Variants in ROBO2 observed in about 807,000 individuals in gnomAD.
The protein encoded by ROBO2 is roundabout homolog 2.
ROBO2 carries 53 observed loss-of-function variants against 160.8 expected under a neutral mutation model. That is an observed-to-expected ratio of 0.33 (90% CI 0.26 to 0.41). The LOEUF (loss-of-function observed/expected upper bound fraction) is 0.41. Ranked by LOEUF, ROBO2 falls within the 10% of genes least tolerant of loss-of-function variation. ROBO2 has a pLI of 1.00. For synonymous variants in ROBO2, 664 were observed against 611.7 expected (o/e 1.09, Z -1.26); for missense variants, 1,577 against 1,722.4 (o/e 0.92, Z 1.49).
intron 2 of ROBO2, among the ~76,000 whole-genome samples, chr3:76,259,806 A>G (rs1424784243): frequency 6.6e-6 from 1 of 152,086 alleles, no homozygotes; most frequent in East Asian, 1.9e-4. Flanking sequence ...TTGGTCAACA[A>G]GAAAGACCCG....
chr3:76,224,260 A>G (rs1214404289), intron 2 of ROBO2, among the ~76,000 whole-genome samples: 1 of 152,202 alleles, frequency 6.6e-6, no homozygotes, highest in Non-Finnish European at 1.5e-5. Flanking sequence ...ACCAGGAAAG[A>G]CAGTTGTGTA....
chr3:77,498,217 A>C (rs28650936), intron 5 of ROBO2, among the ~76,000 whole-genome samples: 2,701 of 152,292 alleles, frequency 0.018, 75 homozygotes, highest in African/African-American at 0.059. Context: ...AACTAACTCT[A>C]AAGTGACACT....
intron 2 of ROBO2, among the ~76,000 whole-genome samples, chr3:77,120,063 A>G (rs889073494): frequency 2.0e-5 from 3 of 152,214 alleles, no homozygotes; most frequent in African/African-American, 7.2e-5. Context: ...TTCTCTTACA[A>G]TACTGGATTA....
chr3:76,800,505 A>C (rs897936415), intron 2 of ROBO2, among the ~76,000 whole-genome samples: 2 of 152,208 alleles, frequency 1.3e-5, no homozygotes, highest in African/African-American at 4.8e-5. Context: ...ATATATAAGG[A>C]GCTCAAAAAG....
chr3:76,383,737 CA>C (rs1264490311), intron 2 of ROBO2, among the ~76,000 whole-genome samples: 1 of 151,496 alleles, frequency 6.6e-6, no homozygotes, highest in Non-Finnish European at 1.5e-5. Context: ...AAACAAAAAA[CA>C]AAAAACAAAG....
chr3:76,508,825 T>C (rs768661115), intron 2 of ROBO2, among the ~76,000 whole-genome samples: 145 of 152,316 alleles, frequency 9.5e-4, no homozygotes, highest in Non-Finnish European at 1.8e-3. Flanking sequence ...TTATATGAAC[T>C]CTCAGTGAAT....
intron 2 of ROBO2, among the ~76,000 whole-genome samples, chr3:76,678,329 AT>A (rs1224707300): frequency 3.9e-5 from 6 of 152,232 alleles, no homozygotes; most frequent in African/African-American, 1.4e-4. Context: ...GTCTATATAA[AT>A]GGCAGATAGC....
chr3:77,414,414 G>A (rs987955102), intron 2 of ROBO2, among the ~76,000 whole-genome samples: 2 of 152,172 alleles, frequency 1.3e-5, no homozygotes, highest in Non-Finnish European at 2.9e-5. Context: ...CGGGGAAGAA[G>A]GAAAATGAGG....
At chr3:77,058,348 A>T (rs1204826824) in intron 1 of ROBO2, among the ~76,000 whole-genome samples, 1 of 152,156 alleles carries the variant, frequency 6.6e-6, no homozygotes, top group Non-Finnish European at 1.5e-5. Context: ...ATAGCCTGCT[A>T]TTGTAATTTT....
intron 2 of ROBO2, among the ~76,000 whole-genome samples, chr3:76,023,815 G>T (rs529615183): frequency 6.6e-6 from 1 of 151,426 alleles, no homozygotes; most frequent in Admixed American, 6.6e-5. Flanking sequence ...AGGCAGGCTG[G>T]CCACAAACCT....
intron 2 of ROBO2, among the ~76,000 whole-genome samples, chr3:76,270,875 G>A (rs1271268876): frequency 5.9e-5 from 9 of 152,040 alleles, no homozygotes; most frequent in Non-Finnish European, 1.0e-4. Flanking sequence ...TGGACAAGCC[G>A]ATTTCTTTAT....
intron 2 of ROBO2, chr3:76,434,661 C>A: frequency 8.3e-7 from 1 of 1,206,988 alleles, no homozygotes; most frequent in Non-Finnish European, 1.2e-6. Context: ...ACTCTGCCAT[C>A]TGGACCCTCT....
At chr3:76,925,405 T>G (rs1417874012) in intron 2 of ROBO2, among the ~76,000 whole-genome samples, 1 of 152,134 alleles carries the variant, frequency 6.6e-6, no homozygotes, top group South Asian at 2.1e-4. Flanking sequence ...TTTCCAAAAT[T>G]TACATTTGAA....
At chr3:77,166,375 A>C (rs1271098261) in intron 2 of ROBO2, among the ~76,000 whole-genome samples, 1 of 152,246 alleles carries the variant, frequency 6.6e-6, no homozygotes, top group Non-Finnish European at 1.5e-5. Flanking sequence ...TAAAAATTCC[A>C]TAACCAGATA....
chr3:76,448,041 T>C (rs2077286946), intron 2 of ROBO2, among the ~76,000 whole-genome samples: 2 of 150,206 alleles, frequency 1.3e-5, no homozygotes, highest in African/African-American at 4.9e-5. Context: ...TTAAAGTATA[T>C]ATATAAAAAA....
At chr3:76,358,747 A>G (rs2075323914) in intron 2 of ROBO2, among the ~76,000 whole-genome samples, 1 of 151,950 alleles carries the variant, frequency 6.6e-6, no homozygotes. Context: ...GTTTAAGATG[A>G]AAGTTGATGC....
chr3:76,310,528 T>G (rs539309792), intron 2 of ROBO2, among the ~76,000 whole-genome samples: 2 of 152,236 alleles, frequency 1.3e-5, no homozygotes, highest in African/African-American at 2.4e-5. Flanking sequence ...ATACTTATTG[T>G]TGTTCATCTA....
chr3:76,120,755 A>G (rs80030967), intron 2 of ROBO2, among the ~76,000 whole-genome samples: 2,975 of 152,250 alleles, frequency 0.02, 88 homozygotes, highest in African/African-American at 0.068. Context: ...CCAAGCTCAG[A>G]TTCTACCCTT....
intron 2 of ROBO2, among the ~76,000 whole-genome samples, chr3:76,973,453 A>C: frequency 6.6e-6 from 1 of 152,204 alleles, no homozygotes; most frequent in Middle Eastern, 3.4e-3. Context: ...TATATTAATA[A>C]GAATATCATA....
Sources: allele counts gnomAD v4.1 joint callset (sites outside exome capture counted in the v4.1 genomes callset), GRCh38; gene constraint gnomAD v4.1.1; transcripts MANE v1.5; gene names NCBI Gene and HGNC (gene_info 2026-07-23, HGNC 2026-07-21).